The following ERBB4 variants were observed in gnomAD, a reference collection of about 807,000 sequenced individuals.
ERBB4 encodes the protein receptor tyrosine-protein kinase erbB-4.
In ERBB4, 42 loss-of-function variants were observed where a neutral mutation model predicts 158.0. The observed-to-expected ratio is 0.27, with a 90% CI of 0.21 to 0.34. ERBB4 has a LOEUF of 0.34. Among genes scored for constraint, ERBB4 ranks in the 10% least tolerant of loss-of-function variants. ERBB4 has a pLI of 1.00. For missense variants in ERBB4, 1,333 were observed against 1,624.1 expected, an observed-to-expected ratio of 0.82 and a Z score of 3.08; for synonymous variants, 583 against 558.7, an observed-to-expected ratio of 1.04 and a Z score of -0.61.
Position 211,377,926 on chromosome 2 carries a change from T to G in ERBB4, c.*5689A>C, listed in dbSNP as rs908700652. On this transcript the variant is annotated 3_prime_UTR_variant, in exon 28 of 28. Coordinates refer to ENST00000342788, the MANE Select transcript of ERBB4 (RefSeq NM_005235.3). The stretch of plus-strand genomic sequence containing the variant: ...AAATATTCTCTATGCGGTAGTTTGA[T>G]AGTTCACTTAAACAGTGTCCAAATT... 1 of 232,732 alleles carries G rather than the reference T, an allele frequency of 4.3e-6. No homozygotes were observed. Among genetic ancestry groups the G allele is most frequent in the African/African-American group, 2.2e-5 (1 of 45,290 alleles). The allele number at this position is 232,732 out of a possible 1,614,324, so 14.4% of individuals were successfully genotyped here.
At chr2:211,704,059 C>T (rs2106044415) in intron 11 of ERBB4, 45 bp downstream of exon 11, 1 of 1,068,258 alleles carries the variant, frequency 9.4e-7, no homozygotes, top group Non-Finnish European at 1.5e-6. Context: ...CACAATGCTC[C>T]TCTTGAAATC....
intron 1 of ERBB4, among the ~76,000 whole-genome samples, chr2:212,375,680 T>C (rs2090294885): frequency 6.6e-6 from 1 of 152,234 alleles, no homozygotes; most frequent in South Asian, 2.1e-4. Context: ...TGTATTTCCA[T>C]TTTTGTACCA....
chr2:211,896,664 TTTGA>T (rs1368812340), intron 3 of ERBB4, among the ~76,000 whole-genome samples: 2 of 152,288 alleles, frequency 1.3e-5, no homozygotes, highest in African/African-American at 4.8e-5. Flanking sequence ...CCTTTTAAAA[TTTGA>T]TTGTCATTTT....
At chr2:212,190,347 T>C (rs980988533) in intron 1 of ERBB4, among the ~76,000 whole-genome samples, 2 of 152,108 alleles carry the variant, frequency 1.3e-5, no homozygotes, top group Non-Finnish European at 2.9e-5. Flanking sequence ...CCATCCTGGC[T>C]AACAGGGTGA....
At chr2:212,074,455 G>A (rs10189678) in intron 2 of ERBB4, among the ~76,000 whole-genome samples, 80,319 of 151,750 alleles carry the variant, frequency 0.53, 24,119 homozygotes, top group East Asian at 0.93. Context: ...TTTATTTAAC[G>A]TATTTAATAG....
intron 3 of ERBB4, among the ~76,000 whole-genome samples, chr2:211,906,191 A>G (rs2079388131): frequency 6.6e-6 from 1 of 152,160 alleles, no homozygotes; most frequent in Admixed American, 6.6e-5. Context: ...TCCAGGTTAG[A>G]AATAACCATG....
intron 1 of ERBB4, among the ~76,000 whole-genome samples, chr2:212,329,208 T>C (rs1234310235): frequency 6.6e-6 from 1 of 151,696 alleles, no homozygotes; most frequent in Non-Finnish European, 1.5e-5. Context: ...CCATCTGCAA[T>C]GAATAACAAA....
At chr2:211,995,872 T>C (rs891420323) in intron 2 of ERBB4, among the ~76,000 whole-genome samples, 1 of 152,176 alleles carries the variant, frequency 6.6e-6, no homozygotes. Context: ...TGATAGCACA[T>C]ATATACACTA....
chr2:212,056,293 T>C (rs1156413656), intron 2 of ERBB4, among the ~76,000 whole-genome samples: 3 of 152,120 alleles, frequency 2.0e-5, no homozygotes, highest in South Asian at 4.2e-4. Flanking sequence ...ACACCAAATC[T>C]ACATCTGATT....
At chr2:211,866,691 C>A (rs1157754092) in intron 3 of ERBB4, among the ~76,000 whole-genome samples, 1 of 152,006 alleles carries the variant, frequency 6.6e-6, no homozygotes, top group Non-Finnish European at 1.5e-5. Context: ...CTGTGACTAA[C>A]ATTAATCCCA....
At chr2:212,258,335 C>A (rs2084814269) in intron 1 of ERBB4, among the ~76,000 whole-genome samples, 1 of 151,642 alleles carries the variant, frequency 6.6e-6, no homozygotes, top group African/African-American at 2.4e-5. Context: ...CTATAATGAT[C>A]TTTTAAAAAT....
intron 12 of ERBB4, among the ~76,000 whole-genome samples, chr2:211,687,053 T>A (rs778469142): frequency 2.6e-5 from 4 of 151,858 alleles, no homozygotes; most frequent in Non-Finnish European, 4.4e-5. Flanking sequence ...CCCAGCACTT[T>A]GGGAGGCCAA....
At chr2:212,021,847 A>G (rs1460994163) in intron 2 of ERBB4, among the ~76,000 whole-genome samples, 1 of 152,160 alleles carries the variant, frequency 6.6e-6, no homozygotes, top group Non-Finnish European at 1.5e-5. Context: ...AAAAAACATT[A>G]AAAACTGGGC....
At chr2:212,402,162 T>C (rs1689153819) in intron 1 of ERBB4, among the ~76,000 whole-genome samples, 1 of 152,140 alleles carries the variant, frequency 6.6e-6, no homozygotes. Context: ...GCATACACAC[T>C]TCAGAAAACT....
intron 3 of ERBB4, among the ~76,000 whole-genome samples, chr2:211,890,179 G>A (rs375748884): frequency 1.2e-5 from 1 of 82,454 alleles, no homozygotes; most frequent in Admixed American, 1.4e-4. Flanking sequence ...CCCTCAAAGG[G>A]AAGCCCATCA....
At chr2:211,465,236 T>C (rs146751852) in intron 20 of ERBB4, among the ~76,000 whole-genome samples, 192 of 152,162 alleles carry the variant, frequency 1.3e-3, no homozygotes, top group African/African-American at 4.5e-3. Flanking sequence ...GATTCGCAGG[T>C]AGGTGAGAGG....
Position 211,689,589 on chromosome 2 carries a change from T to G in ERBB4, c.1490-10405A>C, listed in dbSNP as rs1209182937. On this transcript the variant is annotated intron_variant, in intron 12 of 27. Coordinates refer to ENST00000342788, the MANE Select transcript of ERBB4 (RefSeq NM_005235.3). The stretch of plus-strand genomic sequence containing the variant: ...CACTAATTTATAAAGATGTAAAGAG[T>G]AAAAAGATAGTTTAACCAAACTGAT... 4.6e-5 allele frequency among the ~76,000 whole-genome samples: 7 copies of G among 152,096 alleles called. No homozygotes were observed. The East Asian group carries it at 1.4e-3, about 29-fold the overall frequency.
At chr2:211,536,533 G>A (rs1156923085) in intron 20 of ERBB4, among the ~76,000 whole-genome samples, 2 of 151,990 alleles carry the variant, frequency 1.3e-5, no homozygotes, top group Non-Finnish European at 2.9e-5. Context: ...AGAGATGCCT[G>A]AGCGAATGAT....
chr2:212,474,886 C>A (rs1689307152), intron 1 of ERBB4, among the ~76,000 whole-genome samples: 1 of 130,988 alleles, frequency 7.6e-6, no homozygotes, highest in Non-Finnish European at 1.6e-5. Flanking sequence ...TCCTGATGGG[C>A]TCAAGGATTC....
Sources: gnomAD v4.1 joint callset for allele counts (sites outside exome capture counted in the v4.1 genomes callset) on GRCh38, gnomAD v4.1.1 for gene constraint, MANE v1.5 for transcripts, NCBI Gene and HGNC (gene_info 2026-07-23, HGNC 2026-07-21) for gene names.